Variants in PAPPA observed in about 807,000 individuals in gnomAD.
The protein encoded by PAPPA is pappalysin-1.
In PAPPA, 60 loss-of-function variants were observed where a neutral mutation model predicts 164.0. That is an observed-to-expected ratio of 0.37 (90% CI 0.30 to 0.45). The LOEUF (loss-of-function observed/expected upper bound fraction) is 0.45. Among genes scored for constraint, PAPPA ranks in the 20% least tolerant of loss-of-function variants. PAPPA has a pLI of 1.00. For missense variants in PAPPA, 1,782 were observed against 2,087.3 expected (o/e 0.85, Z 2.85); for synonymous variants, 875 against 814.1 (o/e 1.07, Z -1.27).
chr9:116,233,363 G>A (rs1376648222), intron 6 of PAPPA, among the ~76,000 whole-genome samples: 2 of 152,220 alleles, frequency 1.3e-5, no homozygotes, highest in Non-Finnish European at 2.9e-5. Flanking sequence ...TGATACATGT[G>A]TGTCAACATC....
Position 116,154,155 on chromosome 9 carries a change from C to CGGGGGGAGGGGGGGGG in PAPPA, c.-11_-10insGGGGGGGGGGGGGGGA. 1 of 464,986 alleles carries CGGGGGGAGGGGGGGGG rather than the reference C, an allele frequency of 2.2e-6. No individual in the cohort carries two copies. 28.8% of individuals were successfully genotyped at this position (464,986 alleles called of 1,614,324 possible). ...TGGCGGTGCAGGGGCGAAGGGGGGG[C>CGGGGGGAGGGGGGGGG]GGGGGGAACCGTCGGACATGCGGCT... On this transcript the variant is annotated 5_prime_UTR_variant, in exon 1 of 22. Coordinates refer to ENST00000328252, the MANE Select transcript of PAPPA (RefSeq NM_002581.5). The surrounding 1 kb of genome is among the most constrained non-coding windows in gnomAD (Gnocchi z 5.2).
intron 13 of PAPPA, 99 bp from the exon 14 acceptor site, chr9:116,344,444 T>C: frequency 8.0e-7 from 1 of 1,254,488 alleles, no homozygotes; most frequent in Admixed American, 2.0e-5. Flanking sequence ...TCAAGCCCCC[T>C]GAAATCTTGG....
At chr9:116,361,434 A>G (rs1846425641) in intron 17 of PAPPA, among the ~76,000 whole-genome samples, 1 of 152,164 alleles carries the variant, frequency 6.6e-6, no homozygotes, top group Non-Finnish European at 1.5e-5. Context: ...TTACCAGCTC[A>G]TCTTCCCCTG....
chr9:116,320,228 A>T (rs939658350), intron 10 of PAPPA, among the ~76,000 whole-genome samples: 4 of 152,170 alleles, frequency 2.6e-5, no homozygotes, highest in African/African-American at 9.6e-5. Context: ...TTTGCACCCT[A>T]AATCCCAGGA....
At chr9:116,206,949 G>A (rs190468803) in intron 2 of PAPPA, among the ~76,000 whole-genome samples, 1 of 152,300 alleles carries the variant, frequency 6.6e-6, no homozygotes, top group African/African-American at 2.4e-5. Context: ...AAAGGTTGTA[G>A]AGATAGATGA....
Position 116,211,884 on chromosome 9 carries a change from T to C in PAPPA, c.1870T>C (p.Phe624Leu), listed in dbSNP as rs1351918905. 1 of 1,614,098 alleles carries C rather than the reference T, an allele frequency of 6.2e-7. No homozygotes were observed. The highest frequency in any genetic ancestry group is 1.1e-5 in the South Asian group (1 of 91,076). ...AGGGCCAGGAAATGACACCTGTGGC[T>C]TTCATAGCTTCTTCAACACTCCTTA... is the stretch of plus-strand genomic sequence containing the variant. Reference protein sequence around the residue: ...DPGPGNDTCGFHSFFNTPYNN... With the variant: ...DPGPGNDTCGLHSFFNTPYNN... Residue 624 changes from phenylalanine to leucine, a missense_variant, in exon 4 of 22, where the codon TTT (phenylalanine) becomes CTT (leucine). By Grantham distance (22) the Phe-to-Leu change is conservative (BLOSUM62 0). Around this residue, in one of 2 missense-constraint regions of PAPPA, gnomAD observed 1,324 missense variants for 1,656.9 expected, o/e 0.80. Coordinates refer to ENST00000328252, the MANE Select transcript of PAPPA (RefSeq NM_002581.5).
chr9:116,295,360 C>A (rs1381047152), intron 9 of PAPPA, among the ~76,000 whole-genome samples: 1 of 151,912 alleles, frequency 6.6e-6, no homozygotes, highest in Non-Finnish European at 1.5e-5. Flanking sequence ...TCGAGACCAG[C>A]CTGACCAACA....
intron 13 of PAPPA, among the ~76,000 whole-genome samples, chr9:116,342,192 A>C (rs1351180346): frequency 6.6e-6 from 1 of 152,196 alleles, no homozygotes; most frequent in East Asian, 1.9e-4. Context: ...CTTACAGAGT[A>C]AATATATTTA....
intron 9 of PAPPA, among the ~76,000 whole-genome samples, chr9:116,294,451 C>T (rs558330200): frequency 6.6e-6 from 1 of 152,152 alleles, no homozygotes; most frequent in African/African-American, 2.4e-5. Context: ...TAAGAAGAAA[C>T]CCTGGTTTGA....
intron 7 of PAPPA, among the ~76,000 whole-genome samples, chr9:116,240,167 T>A (rs1015116379): frequency 6.6e-6 from 1 of 152,214 alleles, no homozygotes; most frequent in Non-Finnish European, 1.5e-5. Context: ...GTCTGTCTCA[T>A]TCATCCATCA....
chr9:116,358,268 T>C (rs1588019095), intron 17 of PAPPA, among the ~76,000 whole-genome samples: 1 of 152,324 alleles, frequency 6.6e-6, no homozygotes, highest in Admixed American at 6.5e-5. Flanking sequence ...TACGTCACTT[T>C]GCAATTCACA....
chr9:116,334,380 G>T (rs563852061), intron 12 of PAPPA, among the ~76,000 whole-genome samples: 1 of 152,158 alleles, frequency 6.6e-6, no homozygotes, highest in African/African-American at 2.4e-5. Context: ...GACTAAGCAA[G>T]AAGTCCTTCC....
chr9:116,302,475 C>A (rs1845590983), intron 9 of PAPPA, among the ~76,000 whole-genome samples: 1 of 152,026 alleles, frequency 6.6e-6, no homozygotes, highest in Non-Finnish European at 1.5e-5. Flanking sequence ...TCGAATCATG[C>A]AGTATTTGTC....
intron 1 of PAPPA, among the ~76,000 whole-genome samples, chr9:116,183,497 A>C (rs1209034107): frequency 2.6e-5 from 4 of 152,148 alleles, no homozygotes; most frequent in African/African-American, 9.7e-5. Context: ...CTGGTGCCAA[A>C]CTTCTGGTTC....
At position 116,332,936 on chromosome 9, in the gene PAPPA, G is replaced by A. The variant is rs559448677; in HGVS notation, c.3397+468G>A. 1.5e-3 allele frequency: 235 copies of A among 154,624 alleles called. 5 individuals are homozygous for A. The South Asian group carries it at 0.041, about 27-fold the overall frequency. 9.6% of individuals were successfully genotyped at this position (154,624 alleles called of 1,614,324 possible). ...TGTTCATGACCCTCCACCCCAAGTG[G>A]GGACTGTATCACCAGTACAACCTCT... On this transcript the variant is annotated intron_variant, in intron 12 of 21. Coordinates refer to ENST00000328252, the MANE Select transcript of PAPPA (RefSeq NM_002581.5).
chr9:116,177,156 C>T (rs1447930045), intron 1 of PAPPA, among the ~76,000 whole-genome samples: 2 of 152,094 alleles, frequency 1.3e-5, no homozygotes, highest in African/African-American at 2.4e-5. Context: ...TCATGATGCC[C>T]ATTTCTTGGA....
intron 6 of PAPPA, among the ~76,000 whole-genome samples, chr9:116,231,670 GAT>G (rs1190286322): frequency 4.1e-4 from 13 of 31,924 alleles, no homozygotes; most frequent in Non-Finnish European, 6.4e-4. Context: ...CGGATGGATG[GAT>G]GGATGGATGG....
At chr9:116,181,614 TGAAAAG>T (rs951481245) in intron 1 of PAPPA, among the ~76,000 whole-genome samples, 14 of 152,106 alleles carry the variant, frequency 9.2e-5, no homozygotes, top group Non-Finnish European at 2.1e-4. Context: ...TCCACCACAA[TGAAAAG>T]GAAAATGGGA....
chr9:116,313,651 T>C (rs1459490812), intron 10 of PAPPA, among the ~76,000 whole-genome samples: 1 of 152,236 alleles, frequency 6.6e-6, no homozygotes, highest in African/African-American at 2.4e-5. Flanking sequence ...CCAGACTATC[T>C]GTCCAGTAGA....
Sources: allele counts gnomAD v4.1 joint callset (sites outside exome capture counted in the v4.1 genomes callset), GRCh38; gene constraint gnomAD v4.1.1; regional missense constraint gnomAD v4.1.1; non-coding constraint Gnocchi (gnomAD v3.1); transcripts MANE v1.5; gene names NCBI Gene and HGNC (gene_info 2026-07-23, HGNC 2026-07-21).